PDZD2: variants seen among roughly 807,000 people sequenced by gnomAD.
PDZD2 encodes the protein PDZ domain-containing protein 2.
A neutral mutation model predicts 220.7 loss-of-function variants in PDZD2; 90 were observed. The observed-to-expected ratio is 0.41, with a 90% confidence interval of 0.34 to 0.49. The LOEUF (loss-of-function observed/expected upper bound fraction) is 0.49. Ranked by LOEUF, PDZD2 falls within the 20% of genes least tolerant of loss-of-function variation. The probability of loss-of-function intolerance (pLI) is 0.28; values close to 1 mark genes in which losing one functional copy is unlikely to be tolerated. For synonymous variants in PDZD2, 1,375 were observed against 1,450.5 expected (o/e 0.95, Z 1.18); for missense variants, 3,174 against 3,608.5 (o/e 0.88, Z 3.08).
chr5:31,822,519 T>G (rs1401940495), intron 2 of PDZD2: 2 of 588,530 alleles, frequency 3.4e-6, no homozygotes, highest in Non-Finnish European at 6.1e-6. Context: ...TTAGGAAGCA[T>G]CCGGCATCTT....
rs1157595605 is a variant in PDZD2, at chr5:32,015,515, T to C, written c.1407+5033T>C. ...GATCCTCCCACCTCGGCCTCCCAGA[T>C]AGCTGGGATTACAGAAGTGAGCCAC... is the stretch of plus-strand genomic sequence containing the variant. On this transcript the variant is annotated intron_variant, in intron 6 of 24. Coordinates refer to ENST00000438447, the MANE Select transcript of PDZD2 (RefSeq NM_178140.4). Among the ~76,000 whole-genome samples the C allele has an allele frequency of 2.0e-5, 3 of 152,132 alleles. No individual in the cohort carries two copies. The East Asian group carries it at 5.8e-4, about 29-fold the overall frequency.
At chr5:31,868,627 C>T (rs1312049978) in intron 2 of PDZD2, among the ~76,000 whole-genome samples, 3 of 152,050 alleles carry the variant, frequency 2.0e-5, no homozygotes, top group Non-Finnish European at 4.4e-5. Flanking sequence ...ACCGTGGATG[C>T]CCTTAATAAA....
At chr5:31,992,498 CT>C (rs796192605) in intron 3 of PDZD2, among the ~76,000 whole-genome samples, 103 of 152,034 alleles carry the variant, frequency 6.8e-4, no homozygotes, top group African/African-American at 2.4e-3. Context: ...TTGCATGTTT[CT>C]TGTCACATGT....
At chr5:31,872,894 C>T (rs569687720) in intron 2 of PDZD2, among the ~76,000 whole-genome samples, 73 of 152,222 alleles carry the variant, frequency 4.8e-4, no homozygotes, top group African/African-American at 1.8e-3. Context: ...AAAAAACCTG[C>T]TAATGGCACT....
chr5:31,871,966 C>T (rs1738843243), intron 2 of PDZD2, among the ~76,000 whole-genome samples: 1 of 152,078 alleles, frequency 6.6e-6, no homozygotes, highest in Admixed American at 6.6e-5. Flanking sequence ...GTTGGGATTA[C>T]AGGTGTGAGC....
chr5:31,933,691 A>G lies in PDZD2; in HGVS notation c.477-49464A>G, dbSNP rs140605851. On this transcript the variant is annotated intron_variant, in intron 2 of 24. Transcript: ENST00000438447. ...ACGTTGTAACCTCAGTACTTCCACT[A>G]ATGTGCCCTGTGATGTTGGAAAGCT... Among the ~76,000 whole-genome samples, 778 of 152,256 alleles carry G rather than the reference A, an allele frequency of 5.1e-3. 9 individuals are homozygous for G. The highest frequency in any genetic ancestry group is 0.018 in the African/African-American group (743 of 41,552).
chr5:31,808,747 C>T (rs538070662), intron 2 of PDZD2, among the ~76,000 whole-genome samples: 5 of 152,198 alleles, frequency 3.3e-5, no homozygotes, highest in East Asian at 3.9e-4. Context: ...GAGGCTGAGG[C>T]GGGTGGATCA....
intron 1 of PDZD2, among the ~76,000 whole-genome samples, chr5:31,705,153 T>A (rs1356415222): frequency 6.7e-6 from 1 of 149,178 alleles, no homozygotes; most frequent in Non-Finnish European, 1.5e-5. Context: ...AGAGTGAGAC[T>A]CCATCTCAAA....
intron 4 of PDZD2, among the ~76,000 whole-genome samples, chr5:31,997,092 G>C (rs961408570): frequency 1.3e-5 from 2 of 152,182 alleles, no homozygotes; most frequent in African/African-American, 4.8e-5. Flanking sequence ...GCTGGGGCGT[G>C]TACGTATGTT....
rs563479808 is a variant in PDZD2 at position 31,737,373 on chromosome 5, C to T, written c.-360-61516C>T. Among the ~76,000 whole-genome samples, 841 of 152,008 alleles carry T rather than the reference C, an allele frequency of 5.5e-3. 5 individuals carry two copies. The highest frequency in any genetic ancestry group is 7.2e-3 in the Non-Finnish European group (491 of 67,978). The stretch of plus-strand genomic sequence containing the variant: ...ATTTTTAGTAGAGATGGGGTTTCAC[C>T]GTGTTAGCCAGGATGGTCTTGATCT... On this transcript the variant is annotated intron_variant, in intron 1 of 24. Coordinates refer to ENST00000438447, the MANE Select transcript of PDZD2 (RefSeq NM_178140.4).
intron 1 of PDZD2, among the ~76,000 whole-genome samples, chr5:31,664,499 C>T (rs1745905335): frequency 6.6e-6 from 1 of 151,966 alleles, no homozygotes; most frequent in Non-Finnish European, 1.5e-5. Context: ...TGCGTACACA[C>T]ACATACACAC....
intron 2 of PDZD2, among the ~76,000 whole-genome samples, chr5:31,807,746 G>A (rs1754825061): frequency 6.6e-6 from 1 of 152,118 alleles, no homozygotes; most frequent in African/African-American, 2.4e-5. Flanking sequence ...TTGAGTTCCG[G>A]GAGTGTGAGA....
chr5:32,015,209 TG>T lies in PDZD2; in HGVS notation c.1407+4730del, dbSNP rs1450830680. 2.0e-5 allele frequency among the ~76,000 whole-genome samples: 3 copies of T among 152,110 alleles called. No homozygotes were observed. In the East Asian group the frequency reaches 5.8e-4, roughly 29 times the overall value. ...TGCCCGCTTCAGCCTCCCAAAGTGC[TG>T]GGATTACAGTCGGTAGCCACCGCAC... is the stretch of plus-strand genomic sequence containing the variant. On this transcript the variant is annotated intron_variant, in intron 6 of 24. Transcript: ENST00000438447.
chr5:31,892,134 C>G (rs1409298770), intron 2 of PDZD2, among the ~76,000 whole-genome samples: 1 of 151,648 alleles, frequency 6.6e-6, no homozygotes, highest in Non-Finnish European at 1.5e-5. Flanking sequence ...GCCTTGAACT[C>G]CTGGGGTTCA....
At chr5:32,037,821 CT>C (rs1755675849) in intron 7 of PDZD2, among the ~76,000 whole-genome samples, 1 of 149,888 alleles carries the variant, frequency 6.7e-6, no homozygotes, top group Non-Finnish European at 1.5e-5. Context: ...CACCTTAGAA[CT>C]TTTGTGTATC....
chr5:31,913,211 C>T (rs1163613983), intron 2 of PDZD2, among the ~76,000 whole-genome samples: 1 of 152,050 alleles, frequency 6.6e-6, no homozygotes, highest in East Asian at 1.9e-4. Flanking sequence ...CGTGGTGGCA[C>T]ATGCCTGTAG....
At chr5:32,016,506 CG>C (rs1753797347) in intron 6 of PDZD2, among the ~76,000 whole-genome samples, 2 of 152,136 alleles carry the variant, frequency 1.3e-5, no homozygotes, top group Non-Finnish European at 2.9e-5. Flanking sequence ...GGCAGATCTT[CG>C]GAGTAGTACT....
chr5:31,872,142 GGTGT>G (rs55806241), intron 2 of PDZD2, among the ~76,000 whole-genome samples: 3,748 of 147,574 alleles, frequency 0.025, 156 homozygotes, highest in African/African-American at 0.089. Flanking sequence ...TAAGGTGAGT[GGTGT>G]GTGTGTGTGT....
At position 32,087,742 on chromosome 5, in the gene PDZD2, A is replaced by G; in HGVS notation, c.4294A>G (p.Lys1432Glu). 6.2e-7 allele frequency: 1 copy of G among 1,614,060 alleles called. No individual in the cohort carries two copies. The highest frequency in any genetic ancestry group is 8.5e-7 in the Non-Finnish European group (1 of 1,179,972). Residue 1432 changes from lysine to glutamate, a missense_variant, in exon 20 of 25, where the codon AAG becomes GAG. Lys to Glu is a moderately conservative substitution (Grantham distance 56, BLOSUM62 1). Transcript: ENST00000438447. The surrounding 1 kb of genome is among the most constrained non-coding windows in gnomAD (Gnocchi z 4.0). ...TGTGACGGACATTGACAGCTTCATCAAGGAGCTGGATGCTTCTGCAGCAAG... is the reference window on the plus strand; with the variant it reads ...TGTGACGGACATTGACAGCTTCATCGAGGAGCTGGATGCTTCTGCAGCAAG... Reference protein sequence around the residue: ...SPVTDIDSFIKELDASAARSP... With the variant: ...SPVTDIDSFIEELDASAARSP...
Sources: allele counts gnomAD v4.1 joint callset (sites outside exome capture counted in the v4.1 genomes callset), GRCh38; gene constraint gnomAD v4.1.1; non-coding constraint Gnocchi (gnomAD v3.1); transcripts MANE v1.5; gene names NCBI Gene and HGNC (gene_info 2026-07-23, HGNC 2026-07-21).